Variants in DAZAP1 observed in about 807,000 individuals in gnomAD.
DAZAP1 encodes the protein DAZ-associated protein 1.
Under a neutral mutation model 60.1 loss-of-function variants are expected in DAZAP1, and 6 were observed. That is an observed-to-expected ratio of 0.10 (90% CI 0.05 to 0.20). The LOEUF (loss-of-function observed/expected upper bound fraction) is 0.20. Ranked by LOEUF, DAZAP1 falls within the 10% of genes least tolerant of loss-of-function variation. The pLI, the probability that DAZAP1 is intolerant of heterozygous loss-of-function variation, is 1.00. For synonymous variants in DAZAP1, 235 were observed against 215.9 expected, an observed-to-expected ratio of 1.09 and a Z score of -0.78; for missense variants, 366 against 560.4, an observed-to-expected ratio of 0.65 and a Z score of 3.50.
chr19:1,426,250 G>A lies in DAZAP1; in HGVS notation c.546+290G>A. On this transcript the variant is annotated intron_variant, in intron 7 of 11. Coordinates refer to ENST00000233078, the MANE Select transcript of DAZAP1 (RefSeq NM_018959.4). This position sits in a 1 kb window ranked among gnomAD's most constrained non-coding sequence, Gnocchi z 5.4. ...GGGGCTGGGAGGCTGTGGCGGTGTT[G>A]GGGCTGGCTCCAGTGAAACCGCAGC... 2 of 410,992 alleles carry A rather than the reference G, an allele frequency of 4.9e-6. No individual in the cohort carries two copies. The highest frequency in any genetic ancestry group is 4.7e-5 in the South Asian group (2 of 42,434). 25.5% of individuals were successfully genotyped at this position (410,992 alleles called of 1,614,324 possible).
Position 1,418,259 on chromosome 19 carries a change from G to C in DAZAP1, c.126G>C (p.Met42Ile). Residue 42 changes from methionine (M) to isoleucine (I), a missense_variant, in exon 3 of 12, where the codon ATG becomes ATC. Met to Ile is a conservative substitution (Grantham distance 10). This residue lies in a region of DAZAP1 where 98 missense variants were observed against 155.3 expected (regional missense o/e 0.63). Coordinates refer to ENST00000233078, the MANE Select transcript of DAZAP1 (RefSeq NM_018959.4). The surrounding 1 kb of genome is among the most constrained non-coding windows in gnomAD (Gnocchi z 5.7). ...GAGAAGTCGTAGATTGTGTTATCAT[G>C]AAAGATAAAACCACCAACCAGTCTC... ...QYGEVVDCVI[M>I]KDKTTNQSRG... 6.2e-7 allele frequency: 1 copy of C among 1,614,172 alleles called. No homozygotes were observed. The highest frequency in any genetic ancestry group is 8.5e-7 in the Non-Finnish European group (1 of 1,180,028).
At chr19:1,415,394 GTTT>G (rs3837987) in intron 1 of DAZAP1, among the ~76,000 whole-genome samples, 3 of 69,836 alleles carry the variant, frequency 4.3e-5, no homozygotes, top group Non-Finnish European at 6.3e-5. Context: ...TGTGTGTTTT[GTTT>G]TTTTTTTTTT....
Position 1,432,153 on chromosome 19 carries a change from C to T in DAZAP1, c.872-361C>T, listed in dbSNP as rs1351679672. 2 of 293,662 alleles carry T rather than the reference C, an allele frequency of 6.8e-6. No homozygotes were observed. Among genetic ancestry groups the T allele is most frequent in the African/African-American group, 4.5e-5 (2 of 44,558 alleles). 18.2% of individuals were successfully genotyped at this position (293,662 alleles called of 1,614,324 possible). A position where few individuals can be genotyped will look rare whatever the true frequency, so the allele number is the denominator to read the frequency against. ...TTGCCTGTGCTGGCAGCTTCCTAAA[C>T]ATGGGGACTGGGCATGGTGGCAGGT... On this transcript the variant is annotated intron_variant, in intron 10 of 11. Transcript: ENST00000233078. This position sits in a 1 kb window ranked among gnomAD's most constrained non-coding sequence, Gnocchi z 4.9.
chr19:1,414,450 C>G (rs1050968760), intron 1 of DAZAP1, among the ~76,000 whole-genome samples: 1 of 152,102 alleles, frequency 6.6e-6, no homozygotes, highest in African/African-American at 2.4e-5. Context: ...GCACAGTGAT[C>G]AAAATTGAGA....
In DAZAP1 at chr19:1,430,270, C is replaced by CCCCCAG; in HGVS notation, c.779_780insCCCCAG (p.Pro261_Phe262insArgPro). ...GGAAGAGGAGCCCCCCCGCCACCCC[C>CCCCCAG]ACCGTTCACCTCCTACATCGTGTCC... On this transcript the variant is annotated inframe_insertion, in exon 10 of 12. Transcript: ENST00000233078. The CCCCCAG allele has an allele frequency of 7.3e-7, 1 of 1,368,650 alleles. No individual in the cohort carries two copies. Among genetic ancestry groups the CCCCCAG allele is most frequent in the Non-Finnish European group, 1.0e-6 (1 of 979,206 alleles). 84.8% of individuals were successfully genotyped at this position (1,368,650 alleles called of 1,614,324 possible).
At chr19:1,410,347 C>T (rs886522444) in intron 1 of DAZAP1, among the ~76,000 whole-genome samples, 2 of 152,132 alleles carry the variant, frequency 1.3e-5, no homozygotes, top group African/African-American at 2.4e-5. Context: ...CACGCGGACC[C>T]TACATGGTGG....
chr19:1,432,461 C>T lies in DAZAP1; in HGVS notation c.872-53C>T. 6.3e-7 allele frequency: 1 copy of T among 1,590,824 alleles called. No individual in the cohort carries two copies. Among genetic ancestry groups the T allele is most frequent in the Non-Finnish European group, 8.6e-7 (1 of 1,161,360 alleles). On this transcript the variant is annotated intron_variant, in intron 10 of 11. Coordinates refer to ENST00000233078, the MANE Select transcript of DAZAP1 (RefSeq NM_018959.4). This position sits in a 1 kb window ranked among gnomAD's most constrained non-coding sequence, Gnocchi z 4.9. ...GGCTGGGTGTGGGTCTCCTGCTGGTCTGCCCCCAGCTGCACAACGTGTCTT... is the reference window on the plus strand; with the variant it reads ...GGCTGGGTGTGGGTCTCCTGCTGGTTTGCCCCCAGCTGCACAACGTGTCTT...
rs747096439 is a variant in DAZAP1, at chr19:1,434,787, A to G, written c.1099A>G (p.Ser367Gly). ...CTTCGGACAGGGCTTCTCAGACCCC[A>G]GCCAGCAGCCTCCTTCCTACGGGGG... The part of the protein sequence containing the change: ...SGFGQGFSDP[S>G]QQPPSYGGPS... Residue 367 changes from serine (S) to glycine (G), a missense_variant, in exon 12 of 12, where the codon AGC becomes GGC. Physicochemically the swap from Ser to Gly is moderately conservative, Grantham distance 56. Around this residue, in one of 3 missense-constraint regions of DAZAP1, gnomAD observed 240 missense variants for 308.8 expected, o/e 0.78. Coordinates refer to ENST00000233078, the MANE Select transcript of DAZAP1 (RefSeq NM_018959.4). This position sits in a 1 kb window ranked among gnomAD's most constrained non-coding sequence, Gnocchi z 8.0. 1 of 1,612,774 alleles carries G rather than the reference A, an allele frequency of 6.2e-7. No homozygotes were observed. Among genetic ancestry groups the G allele is most frequent in the Non-Finnish European group, 8.5e-7 (1 of 1,179,438 alleles).
intron 1 of DAZAP1, chr19:1,417,227 AGGAAC>A: frequency 1.9e-6 from 1 of 513,026 alleles, no homozygotes; most frequent in South Asian, 2.4e-5. Context: ...GGCCTGTCCC[AGGAAC>A]TCATCGCCCG....
chr19:1,414,468 C>T (rs947405739), intron 1 of DAZAP1, among the ~76,000 whole-genome samples: 3 of 152,008 alleles, frequency 2.0e-5, no homozygotes, highest in Non-Finnish European at 2.9e-5. Context: ...AGAAAGTGGC[C>T]GGGCGCAGCT....
Position 1,435,111 on chromosome 19 carries a change from A to G in DAZAP1, c.*199A>G, listed in dbSNP as rs2083566283. 7.9e-6 allele frequency: 3 copies of G among 378,736 alleles called. No homozygotes were observed. The highest frequency in any genetic ancestry group is 4.6e-6 in the Non-Finnish European group (1 of 218,828). The allele number at this position is 378,736 out of a possible 1,614,324, so 23.5% of individuals were successfully genotyped here. ...ATTTCTTTCTCTAACCCATCAGCAC[A>G]ATAAAAAAAAGTCACTGGTTCAACA... is the stretch of plus-strand genomic sequence containing the variant. On this transcript the variant is annotated 3_prime_UTR_variant, in exon 12 of 12. Coordinates refer to ENST00000233078, the MANE Select transcript of DAZAP1 (RefSeq NM_018959.4).
At chr19:1,413,592 T>C (rs570145052) in intron 1 of DAZAP1, among the ~76,000 whole-genome samples, 1 of 152,306 alleles carries the variant, frequency 6.6e-6, no homozygotes, top group South Asian at 2.1e-4. Context: ...AAAAGACACA[T>C]GGACACAGGA....
In DAZAP1 at chr19:1,422,281, G is replaced by A. The variant is rs1434467897; in HGVS notation, c.415-67G>A. On this transcript the variant is annotated intron_variant, in intron 5 of 11. Coordinates refer to ENST00000233078, the MANE Select transcript of DAZAP1 (RefSeq NM_018959.4). This position sits in a 1 kb window ranked among gnomAD's most constrained non-coding sequence, Gnocchi z 4.5. ...GAGTTTGGGTTCGTGGGAACAGGCT[G>A]TGCCCTCGGAAGACCACCTGTGGTG... 6 of 1,463,462 alleles carry A rather than the reference G, an allele frequency of 4.1e-6. No individual in the cohort carries two copies. The East Asian group carries it at 6.8e-5, about 17-fold the overall frequency. The allele number at this position is 1,463,462 out of a possible 1,614,324, so 90.7% of individuals were successfully genotyped here.
intron 4 of DAZAP1, 48 bp from the exon 5 acceptor site, chr19:1,421,100 G>C (rs1381329650): frequency 6.3e-7 from 1 of 1,578,940 alleles, no homozygotes; most frequent in South Asian, 1.1e-5. Flanking sequence ...TCGCGGGAGG[G>C]TTTGGAGGGT....
At chr19:1,421,034 T>C (rs1397793151) in intron 4 of DAZAP1, 114 bp from the exon 5 acceptor site, 1 of 863,294 alleles carries the variant, frequency 1.2e-6, no homozygotes, top group Admixed American at 1.9e-5. Flanking sequence ...TGTTCTGCTC[T>C]GGCTTTCAGC....
chr19:1,433,700 G>A lies in DAZAP1; in HGVS notation c.1048+1010G>A, dbSNP rs1569107145. 1.9e-6 allele frequency: 3 copies of A among 1,565,026 alleles called. No homozygotes were observed. The highest frequency in any genetic ancestry group is 2.2e-5 in the South Asian group (2 of 90,088). On this transcript the variant is annotated intron_variant, in intron 11 of 11. Transcript: ENST00000233078. This position sits in a 1 kb window ranked among gnomAD's most constrained non-coding sequence, Gnocchi z 6.1. ...GTGTCAGCCGCTGCTCTTGGTGGCG[G>A]CTGCTTGGGTTGGTCACCCTGGTCT...
rs1033916463 is a variant in DAZAP1 at position 1,425,413 on chromosome 19, G to T, written c.464-465G>T. ...CCCTGACTAAGATGGCGCATTCCAC[G>T]CGGGCCCCCGGCCTGCAGGGTTCAC... On this transcript the variant is annotated intron_variant, in intron 6 of 11. Transcript: ENST00000233078. This position sits in a 1 kb window ranked among gnomAD's most constrained non-coding sequence, Gnocchi z 5.4. 7.2e-5 allele frequency among the ~76,000 whole-genome samples: 11 copies of T among 152,202 alleles called. No individual in the cohort carries two copies. The highest frequency in any genetic ancestry group is 6.5e-4 in the Admixed American group (10 of 15,288).
chr19:1,418,635 T>A lies in DAZAP1; in HGVS notation c.238-31T>A. ...CTTTCCTAGAGAAACAGCCTCTTAT[T>A]CACAACCAGCTGATTTGAAATTTCC... On this transcript the variant is annotated intron_variant, in intron 3 of 11. Coordinates refer to ENST00000233078, the MANE Select transcript of DAZAP1 (RefSeq NM_018959.4). The surrounding 1 kb of genome is among the most constrained non-coding windows in gnomAD (Gnocchi z 5.7). 1 of 1,613,812 alleles carries A rather than the reference T, an allele frequency of 6.2e-7. No homozygotes were observed. The highest frequency in any genetic ancestry group is 8.5e-7 in the Non-Finnish European group (1 of 1,179,790).
chr19:1,423,930 T>C lies in DAZAP1; in HGVS notation c.463+1534T>C, dbSNP rs931716754. Among the ~76,000 whole-genome samples, 1 of 152,226 alleles carries C rather than the reference T, an allele frequency of 6.6e-6. No homozygotes were observed. Among genetic ancestry groups the C allele is most frequent in the African/African-American group, 2.4e-5 (1 of 41,460 alleles). ...GGGCCAGCACGTGGCCACATGTCCT[T>C]AGCTGTTGGGCTTTGAAAGTGTCCC... On this transcript the variant is annotated intron_variant, in intron 6 of 11. Coordinates refer to ENST00000233078, the MANE Select transcript of DAZAP1 (RefSeq NM_018959.4). The surrounding 1 kb of genome is among the most constrained non-coding windows in gnomAD (Gnocchi z 6.8).
Sources: allele counts gnomAD v4.1 joint callset (sites outside exome capture counted in the v4.1 genomes callset), GRCh38; gene constraint gnomAD v4.1.1; regional missense constraint gnomAD v4.1.1; non-coding constraint Gnocchi (gnomAD v3.1); transcripts MANE v1.5; gene names NCBI Gene and HGNC (gene_info 2026-07-23, HGNC 2026-07-21).